The following SLC4A4 variants were observed in gnomAD, a reference collection of about 807,000 sequenced individuals.
SLC4A4 encodes solute carrier family 4 member 4.
SLC4A4 carries 27 observed loss-of-function variants against 111.5 expected under a neutral mutation model. The observed-to-expected ratio is 0.24, with a 90% CI of 0.18 to 0.33. The LOEUF is 0.33. Ranked by LOEUF, SLC4A4 falls within the 10% of genes least tolerant of loss-of-function variation. SLC4A4 has a pLI of 1.00. For synonymous variants in SLC4A4, 443 were observed against 463.4 expected (o/e 0.96, Z 0.57); for missense variants, 909 against 1,315.5 (o/e 0.69, Z 4.78).
At chr4:71,196,834 C>A (rs868273049) in intron 1 of SLC4A4, among the ~76,000 whole-genome samples, 37 of 20,262 alleles carry the variant, frequency 1.8e-3, no homozygotes, top group Non-Finnish European at 2.6e-3. Context: ...ACTCTGTCTC[C>A]AAAAAAAAAA....
At chr4:71,165,497 G>T (rs1479139060) in intron 2 of SLC4A4, among the ~76,000 whole-genome samples, 2 of 152,072 alleles carry the variant, frequency 1.3e-5, no homozygotes, top group African/African-American at 4.8e-5. Flanking sequence ...AGTGGGAGTT[G>T]AACAAAGAGA....
intron 6 of SLC4A4, among the ~76,000 whole-genome samples, chr4:71,358,703 C>T (rs1353096474): frequency 6.6e-6 from 1 of 152,016 alleles, no homozygotes; most frequent in Admixed American, 6.6e-5. Flanking sequence ...TATGTCTCCC[C>T]TGGCTTTTTT....
intron 20 of SLC4A4, among the ~76,000 whole-genome samples, chr4:71,553,998 A>C (rs1214955555): frequency 6.6e-6 from 1 of 151,910 alleles, no homozygotes; most frequent in Non-Finnish European, 1.5e-5. Context: ...TTTCATATAA[A>C]TTTAAGCATC....
At chr4:71,354,804 G>A (rs1414463739) in intron 5 of SLC4A4, among the ~76,000 whole-genome samples, 1 of 152,180 alleles carries the variant, frequency 6.6e-6, no homozygotes, top group Admixed American at 6.5e-5. Flanking sequence ...ATCAGTCCAT[G>A]TCTGTGGGCA....
chr4:71,081,010 T>C (rs1024182410), intron 1 of SLC4A4, among the ~76,000 whole-genome samples: 1 of 152,134 alleles, frequency 6.6e-6, no homozygotes, highest in East Asian at 1.9e-4. Flanking sequence ...TCTTGGATTC[T>C]GTATCTCAGA....
chr4:71,544,628 T>C (rs1735344703), intron 18 of SLC4A4, among the ~76,000 whole-genome samples: 1 of 152,058 alleles, frequency 6.6e-6, no homozygotes, highest in Non-Finnish European at 1.5e-5. Flanking sequence ...TTCCAATGGT[T>C]ATTTAGTCTT....
intron 14 of SLC4A4, among the ~76,000 whole-genome samples, chr4:71,485,950 A>G (rs1578018737): frequency 6.6e-6 from 1 of 151,628 alleles, no homozygotes; most frequent in Middle Eastern, 3.4e-3. Flanking sequence ...GTCAGCTATC[A>G]AAACCTGTGT....
chr4:71,184,440 A>G (rs1560764748), upstream of SLC4A4, among the ~76,000 whole-genome samples: 1 of 152,168 alleles, frequency 6.6e-6, no homozygotes, highest in Non-Finnish European at 1.5e-5. Flanking sequence ...TGTTTTCTTT[A>G]GATGCCTATT....
intron 3 of SLC4A4, among the ~76,000 whole-genome samples, chr4:71,260,819 G>A (rs1721802356): frequency 6.6e-6 from 1 of 152,110 alleles, no homozygotes; most frequent in African/African-American, 2.4e-5. Context: ...TGTAAAAAGG[G>A]GATGATCGAT....
At chr4:71,147,249 C>G (rs78270377) in intron 2 of SLC4A4, among the ~76,000 whole-genome samples, 4,994 of 152,120 alleles carry the variant, frequency 0.033, 271 homozygotes, top group African/African-American at 0.11. Context: ...CCTCCCCTTT[C>G]TCTCCTTTCA....
intron 7 of SLC4A4, among the ~76,000 whole-genome samples, chr4:71,421,480 G>A (rs1722497411): frequency 6.6e-6 from 1 of 152,090 alleles, no homozygotes; most frequent in Admixed American, 6.5e-5. Context: ...TCTGCACCAG[G>A]CGGACCTAAT....
chr4:71,477,413 G>T (rs1015172439), intron 14 of SLC4A4, among the ~76,000 whole-genome samples: 2 of 151,542 alleles, frequency 1.3e-5, no homozygotes, highest in Non-Finnish European at 1.5e-5. Flanking sequence ...TTTTCCTAGG[G>T]AAAGATACTA....
At chr4:71,357,371 T>A (rs1476551670) in intron 6 of SLC4A4, among the ~76,000 whole-genome samples, 184 bp downstream of exon 6, 1 of 152,236 alleles carries the variant, frequency 6.6e-6, no homozygotes, top group Non-Finnish European at 1.5e-5. Context: ...GCTGGAAAGA[T>A]TTCCACAATT....
At chr4:71,086,202 GTT>G (rs1488908806) in intron 1 of SLC4A4, among the ~76,000 whole-genome samples, 1 of 151,568 alleles carries the variant, frequency 6.6e-6, no homozygotes, top group African/African-American at 2.4e-5. Context: ...TTGGCTCTCT[GTT>G]TGTCTGTTAT....
At chr4:71,558,578 G>T (rs529839328) in intron 22 of SLC4A4, among the ~76,000 whole-genome samples, 1 of 151,930 alleles carries the variant, frequency 6.6e-6, no homozygotes, top group South Asian at 2.1e-4. Context: ...TTTACTTCTT[G>T]CAAGAAAATG....
At chr4:71,252,861 G>T (rs545477023) in intron 2 of SLC4A4, among the ~76,000 whole-genome samples, 24 of 152,248 alleles carry the variant, frequency 1.6e-4, no homozygotes, top group African/African-American at 5.5e-4. Context: ...TAAAATCATT[G>T]ACTGTATCAT....
intron 2 of SLC4A4, among the ~76,000 whole-genome samples, chr4:71,171,756 A>T (rs1003683278): frequency 6.6e-6 from 1 of 152,164 alleles, no homozygotes; most frequent in African/African-American, 2.4e-5. Flanking sequence ...CATCTACTTG[A>T]TTACTCTGGT....
intron 6 of SLC4A4, among the ~76,000 whole-genome samples, chr4:71,373,186 T>C (rs578128213): frequency 1.3e-5 from 2 of 152,322 alleles, no homozygotes; most frequent in East Asian, 3.9e-4. Flanking sequence ...CTTCTAGTTA[T>C]ATGGTCCAAT....
intron 1 of SLC4A4, among the ~76,000 whole-genome samples, chr4:71,228,761 A>G (rs1382108049): frequency 6.6e-6 from 1 of 152,230 alleles, no homozygotes; most frequent in Middle Eastern, 3.2e-3. Flanking sequence ...TCAAATGCGT[A>G]TTTGAGAAAT....
Sources: allele counts gnomAD v4.1 joint callset (sites outside exome capture counted in the v4.1 genomes callset), GRCh38; gene constraint gnomAD v4.1.1; transcripts MANE v1.5; gene names NCBI Gene and HGNC (gene_info 2026-07-23, HGNC 2026-07-21).